The following LYPD6 variants were observed in gnomAD, a reference collection of about 807,000 sequenced individuals.
LYPD6 encodes LY6/PLAUR domain containing 6.
A neutral mutation model predicts 22.7 loss-of-function variants in LYPD6; 15 were observed. The observed-to-expected ratio is 0.66, with a 90% CI of 0.44 to 1.02. The LOEUF is 1.02. Among genes scored for constraint, LYPD6 ranks in the 50% least tolerant of loss-of-function variants. LYPD6 has a pLI of 0.00. For missense variants in LYPD6, 189 were observed against 208.4 expected (o/e 0.91, Z 0.57); for synonymous variants, 72 against 77.5 (o/e 0.93, Z 0.37).
intron 1 of LYPD6, among the ~76,000 whole-genome samples, chr2:149,386,885 A>C (rs1233024222): frequency 6.6e-6 from 1 of 152,218 alleles, no homozygotes; most frequent in Non-Finnish European, 1.5e-5. Flanking sequence ...GAGTTTTATC[A>C]AGACTTGGAA....
At chr2:149,370,976 A>G (rs574499565) in intron 1 of LYPD6, among the ~76,000 whole-genome samples, 1 of 152,202 alleles carries the variant, frequency 6.6e-6, no homozygotes, top group South Asian at 2.1e-4. Flanking sequence ...AAAATAATGA[A>G]CGTAGCTAAT....
intron 1 of LYPD6, among the ~76,000 whole-genome samples, chr2:149,382,553 T>C (rs1385622764): frequency 2.4e-4 from 36 of 152,168 alleles, no homozygotes; most frequent in Non-Finnish European, 4.4e-5. Context: ...CCCTATATCA[T>C]GTTTGTGAAC....
chr2:149,457,498 T>C (rs1680988743), intron 3 of LYPD6, among the ~76,000 whole-genome samples: 1 of 152,192 alleles, frequency 6.6e-6, no homozygotes, highest in Admixed American at 6.6e-5. Context: ...TAATGTATAA[T>C]ACAACAGTAG....
chr2:149,350,352 G>T (rs922316336), intron 1 of LYPD6, among the ~76,000 whole-genome samples: 9 of 152,206 alleles, frequency 5.9e-5, no homozygotes, highest in African/African-American at 1.9e-4. Flanking sequence ...TTTCCTTAAA[G>T]AATGCCTTTA....
In LYPD6 at chr2:149,470,712, CT is replaced by C; in HGVS notation, c.379del (p.Cys127ValfsTer20). 1 of 1,613,696 alleles carries C rather than the reference CT, an allele frequency of 6.2e-7. No individual in the cohort carries two copies. On this transcript the variant is annotated frameshift_variant, in exon 5 of 5. Transcript: ENST00000334166. LOFTEE classifies it high-confidence loss of function. ...GCACTTCTTGTTGTGAAGGAAATAT[CT>C]GTAACTTGCCACTGCCCCGAAATGA... ...VCTSCCEGNI[C>X]NLPLPRNETD...
Position 149,367,032 on chromosome 2 carries a change from GT to G in LYPD6, c.-72+36320del, listed in dbSNP as rs150363770. On this transcript the variant is annotated intron_variant, in intron 1 of 4. Coordinates refer to ENST00000334166, the MANE Select transcript of LYPD6 (RefSeq NM_194317.5). ...CCTATGTAACTGCTGAAAAACAAAA[GT>G]TTTTTTTTTCTTTTTTACAGGTGCT... Among the ~76,000 whole-genome samples the G allele has an allele frequency of 7.4e-4, 111 of 149,914 alleles. No individual in the cohort carries two copies. In the East Asian group the frequency reaches 0.018, roughly 24 times the overall value.
rs1295930936 is a variant in LYPD6, at chr2:149,449,121, G to T, written c.191G>T (p.Trp64Leu). ...KAADNYECNR[W>L]APDIYCPRET... ...GCAGACAATTATGAGTGCAACCGAT[G>T]GGCTCCAGACATCTACTGCCCTCGA... Residue 64 changes from tryptophan (W) to leucine (L), a missense_variant, in exon 3 of 5, where the codon TGG becomes TTG. Physicochemically the swap from Trp to Leu is moderately conservative, Grantham distance 61 (BLOSUM62 -2). Coordinates refer to ENST00000334166, the MANE Select transcript of LYPD6 (RefSeq NM_194317.5). 6.2e-7 allele frequency: 1 copy of T among 1,613,054 alleles called. No homozygotes were observed.
chr2:149,449,395 G>A (rs1399699442), intron 3 of LYPD6, among the ~76,000 whole-genome samples: 1 of 152,154 alleles, frequency 6.6e-6, no homozygotes, highest in African/African-American at 2.4e-5. Context: ...ACCTTCGCCT[G>A]TACCCCCGGG....
chr2:149,391,239 G>A (rs1053867460), intron 1 of LYPD6, among the ~76,000 whole-genome samples: 4 of 152,098 alleles, frequency 2.6e-5, no homozygotes, highest in East Asian at 3.9e-4. Flanking sequence ...AGTAAGACTC[G>A]GCTCTTACCT....
intron 1 of LYPD6, among the ~76,000 whole-genome samples, chr2:149,359,685 T>C (rs1373191597): frequency 6.6e-6 from 1 of 152,222 alleles, no homozygotes; most frequent in Non-Finnish European, 1.5e-5. Context: ...ATGGCATTTC[T>C]TCCTGTTTTT....
chr2:149,401,116 A>G (rs1233399440), intron 1 of LYPD6, among the ~76,000 whole-genome samples: 1 of 152,160 alleles, frequency 6.6e-6, no homozygotes, highest in East Asian at 1.9e-4. Context: ...CTTACATCTC[A>G]TTGATCAGGA....
chr2:149,452,522 T>C (rs1012076524), intron 3 of LYPD6, among the ~76,000 whole-genome samples: 4 of 152,236 alleles, frequency 2.6e-5, no homozygotes, highest in Non-Finnish European at 5.9e-5. Context: ...GACACTGCTA[T>C]GGAAATTCTA....
At chr2:149,422,180 A>G (rs2105133677) in intron 1 of LYPD6, among the ~76,000 whole-genome samples, 1 of 152,310 alleles carries the variant, frequency 6.6e-6, no homozygotes, top group East Asian at 1.9e-4. Flanking sequence ...ATGTGCTAGC[A>G]TTGTTCAAAG....
chr2:149,442,846 C>A (rs1683598834), intron 2 of LYPD6, among the ~76,000 whole-genome samples: 2 of 152,058 alleles, frequency 1.3e-5, no homozygotes, highest in African/African-American at 2.4e-5. Context: ...TGATTATTCA[C>A]TAATTGGTAT....
At chr2:149,368,059 G>A (rs1272352542) in intron 1 of LYPD6, 1 of 152,164 alleles carries the variant, frequency 6.6e-6, no homozygotes, top group East Asian at 1.9e-4. Context: ...ACAGATGGAA[G>A]TGCACAATTA....
chr2:149,343,721 C>G (rs1292609716), intron 1 of LYPD6, among the ~76,000 whole-genome samples: 1 of 152,136 alleles, frequency 6.6e-6, no homozygotes, highest in East Asian at 1.9e-4. Flanking sequence ...CCACTTTCAT[C>G]TAAACTCTCA....
intron 1 of LYPD6, among the ~76,000 whole-genome samples, chr2:149,408,543 A>G (rs1682780851): frequency 1.3e-5 from 2 of 152,172 alleles, no homozygotes; most frequent in South Asian, 2.1e-4. Flanking sequence ...GGGAACGCCT[A>G]TTACTCTTAG....
chr2:149,330,434 C>T (rs1194556729), upstream of LYPD6: 1 of 150,078 alleles, frequency 6.7e-6, no homozygotes, highest in Admixed American at 6.6e-5. Context: ...TGAGCGCGCC[C>T]CGCGGAGGGC....
At chr2:149,459,555 C>G (rs1219333372) in intron 3 of LYPD6, among the ~76,000 whole-genome samples, 1 of 152,166 alleles carries the variant, frequency 6.6e-6, no homozygotes, top group Non-Finnish European at 1.5e-5. Flanking sequence ...TGAAGCAAAA[C>G]TTATAATGCT....
Sources: gnomAD v4.1 joint callset for allele counts (sites outside exome capture counted in the v4.1 genomes callset) on GRCh38, gnomAD v4.1.1 for gene constraint, MANE v1.5 for transcripts, NCBI Gene and HGNC (gene_info 2026-07-23, HGNC 2026-07-21) for gene names.